VWC2: variants seen among roughly 807,000 people sequenced by gnomAD.
VWC2 encodes the protein brorin.
A neutral mutation model predicts 29.8 loss-of-function variants in VWC2; 14 were observed. That is an observed-to-expected ratio of 0.47 (90% CI 0.31 to 0.74). The LOEUF (loss-of-function observed/expected upper bound fraction) is 0.74, where lower values mean the gene tolerates loss of function less well. Among genes scored for constraint, VWC2 ranks in the 30% least tolerant of loss-of-function variants. The pLI, the probability that VWC2 is intolerant of heterozygous loss-of-function variation, is 0.05. For missense variants in VWC2, 457 were observed against 459.8 expected, an observed-to-expected ratio of 0.99 and a Z score of 0.05; for synonymous variants, 213 against 199.0, an observed-to-expected ratio of 1.07 and a Z score of -0.59.
chr7:49,813,789 C>G (rs1324630181), intron 3 of VWC2, among the ~76,000 whole-genome samples: 1 of 152,132 alleles, frequency 6.6e-6, no homozygotes, highest in East Asian at 1.9e-4. Flanking sequence ...AAAATACACT[C>G]TCTATCATCA....
intron 3 of VWC2, among the ~76,000 whole-genome samples, chr7:49,885,431 G>C (rs1229602087): frequency 6.6e-6 from 1 of 151,628 alleles, no homozygotes; most frequent in African/African-American, 2.4e-5. Context: ...AAGAAAATAT[G>C]GGAAAATTGC....
intron 3 of VWC2, among the ~76,000 whole-genome samples, chr7:49,830,469 G>A (rs958403201): frequency 6.6e-6 from 1 of 152,058 alleles, no homozygotes; most frequent in African/African-American, 2.4e-5. Context: ...ACAGTCTGAT[G>A]GTAATTTTCC....
chr7:49,906,154 T>A (rs138073007), intron 3 of VWC2, among the ~76,000 whole-genome samples: 1 of 152,330 alleles, frequency 6.6e-6, no homozygotes, highest in African/African-American at 2.4e-5. Context: ...ATAAACTTGC[T>A]TTCACTTTAC....
At chr7:49,798,235 G>T (rs1284382200) in intron 2 of VWC2, among the ~76,000 whole-genome samples, 2 of 152,218 alleles carry the variant, frequency 1.3e-5, no homozygotes, top group Non-Finnish European at 2.9e-5. Flanking sequence ...GCAGCAGCTT[G>T]GTATCTGACC....
intron 3 of VWC2, among the ~76,000 whole-genome samples, chr7:49,870,593 T>A (rs1351750848): frequency 6.6e-6 from 1 of 151,928 alleles, no homozygotes; most frequent in Admixed American, 6.6e-5. Flanking sequence ...GTCTTACGAG[T>A]AGGATTTTCA....
rs375265622 is a variant in VWC2, at chr7:49,816,141, G to A, written c.826+13301G>A. ...AAGCCTGTAGTTGGAGGGAGAGTTG[G>A]AAAGTGTGAGGCAGGGATGTAAGAA... On this transcript the variant is annotated intron_variant, in intron 3 of 3. Transcript: ENST00000340652. Among the ~76,000 whole-genome samples the A allele has an allele frequency of 2.6e-5, 4 of 152,260 alleles. No individual in the cohort carries two copies. In the South Asian group the frequency reaches 6.2e-4, roughly 24 times the overall value.
chr7:49,869,827 T>C (rs1791063753), intron 3 of VWC2, among the ~76,000 whole-genome samples: 1 of 152,088 alleles, frequency 6.6e-6, no homozygotes, highest in Non-Finnish European at 1.5e-5. Context: ...TGTTTTTTCA[T>C]AGTAATCCAA....
chr7:49,848,124 T>C (rs1790028491), intron 3 of VWC2, among the ~76,000 whole-genome samples: 1 of 152,186 alleles, frequency 6.6e-6, no homozygotes, highest in Non-Finnish European at 1.5e-5. Context: ...GTCAGCTTTG[T>C]GAGTGGGATG....
At chr7:49,860,220 C>T (rs1234372564) in intron 3 of VWC2, among the ~76,000 whole-genome samples, 1 of 152,188 alleles carries the variant, frequency 6.6e-6, no homozygotes, top group African/African-American at 2.4e-5. Context: ...TCATTCCAAA[C>T]TGAAACCCTC....
intron 3 of VWC2, among the ~76,000 whole-genome samples, chr7:49,803,624 G>T (rs1788800063): frequency 6.6e-6 from 1 of 152,200 alleles, no homozygotes; most frequent in Non-Finnish European, 1.5e-5. Context: ...AGGGTATGCT[G>T]TGGGGACCCC....
intron 3 of VWC2, among the ~76,000 whole-genome samples, chr7:49,817,287 C>T (rs1425357281): frequency 6.6e-6 from 1 of 152,196 alleles, no homozygotes; most frequent in Non-Finnish European, 1.5e-5. Context: ...TCAATTGTCA[C>T]AATATACAAT....
intron 3 of VWC2, among the ~76,000 whole-genome samples, chr7:49,817,647 G>T (rs1033194114): frequency 1.3e-5 from 2 of 152,120 alleles, no homozygotes; most frequent in Non-Finnish European, 2.9e-5. Context: ...TAAACTTCAG[G>T]TATAAAAGAG....
At position 49,825,419 on chromosome 7, in the gene VWC2, G is replaced by A. The variant is rs957240439; in HGVS notation, c.826+22579G>A. On this transcript the variant is annotated intron_variant, in intron 3 of 3. Coordinates refer to ENST00000340652, the MANE Select transcript of VWC2 (RefSeq NM_198570.5). Reference sequence around the variant, plus strand: ...GGTTGATACATTGCAGCAACTCTGGGTTCTGTTGTTGTTTCTTCTGAGGAT... The same window carrying A: ...GGTTGATACATTGCAGCAACTCTGGATTCTGTTGTTGTTTCTTCTGAGGAT... 4.6e-5 allele frequency among the ~76,000 whole-genome samples: 7 copies of A among 152,150 alleles called. No homozygotes were observed. The South Asian group carries it at 1.5e-3, about 32-fold the overall frequency.
chr7:49,831,071 C>T (rs1339085651), intron 3 of VWC2, among the ~76,000 whole-genome samples: 2 of 152,128 alleles, frequency 1.3e-5, no homozygotes, highest in South Asian at 4.2e-4. Context: ...TACAGTGCCA[C>T]GTGCTTGTCT....
intron 2 of VWC2, among the ~76,000 whole-genome samples, chr7:49,798,299 G>C (rs1407243250): frequency 6.6e-6 from 1 of 152,218 alleles, no homozygotes; most frequent in Non-Finnish European, 1.5e-5. Flanking sequence ...TGGGTCAGCT[G>C]CCTGGGCCTG....
At chr7:49,843,599 A>C (rs1583665253) in intron 3 of VWC2, among the ~76,000 whole-genome samples, 1 of 152,240 alleles carries the variant, frequency 6.6e-6, no homozygotes, top group African/African-American at 2.4e-5. Context: ...TTGTATGTAC[A>C]GAAAGGTTTC....
At chr7:49,797,273 A>G (rs1056979977) in intron 2 of VWC2, among the ~76,000 whole-genome samples, 12 of 152,106 alleles carry the variant, frequency 7.9e-5, no homozygotes, top group African/African-American at 2.9e-4. Context: ...TCTATGTTTA[A>G]ATTAACTCCA....
intron 3 of VWC2, among the ~76,000 whole-genome samples, chr7:49,803,881 C>T (rs963403914): frequency 6.6e-6 from 1 of 152,140 alleles, no homozygotes; most frequent in Non-Finnish European, 1.5e-5. Context: ...GATTTTACTA[C>T]AACACATTGT....
intron 3 of VWC2, among the ~76,000 whole-genome samples, chr7:49,865,924 T>A (rs1283560204): frequency 6.6e-6 from 1 of 152,240 alleles, no homozygotes; most frequent in South Asian, 2.1e-4. Context: ...TACAAGCCCA[T>A]TTGTCCAGTT....
Sources: gnomAD v4.1 joint callset for allele counts (sites outside exome capture counted in the v4.1 genomes callset) on GRCh38, gnomAD v4.1.1 for gene constraint, MANE v1.5 for transcripts, NCBI Gene and HGNC (gene_info 2026-07-23, HGNC 2026-07-21) for gene names.